The following TUSC3 variants were observed in gnomAD, a reference collection of about 807,000 sequenced individuals.
TUSC3 encodes dolichyl-diphosphooligosaccharide--protein glycosyltransferase subunit TUSC3.
TUSC3 carries 45 observed loss-of-function variants against 44.8 expected under a neutral mutation model. The ratio of observed to expected loss-of-function variants is 1.00; its 90% CI spans 0.79 to 1.29. The LOEUF (loss-of-function observed/expected upper bound fraction) is 1.29, where lower values mean the gene tolerates loss of function less well. TUSC3 is among the 50% of genes most tolerant of loss of function. The pLI is 0.00. For missense variants in TUSC3, 519 were observed against 437.9 expected, an observed-to-expected ratio of 1.19 and a Z score of -1.65; for synonymous variants, 212 against 152.9, an observed-to-expected ratio of 1.39 and a Z score of -2.85.
intron 1 of TUSC3, among the ~76,000 whole-genome samples, chr8:15,430,030 C>A (rs1055695279): frequency 1.3e-5 from 2 of 151,502 alleles, no homozygotes; most frequent in African/African-American, 2.4e-5. Flanking sequence ...GGATTCACAG[C>A]CGAATTCTAC....
chr8:15,501,440 A>T (rs1055956612), intron 2 of TUSC3, among the ~76,000 whole-genome samples: 1 of 152,240 alleles, frequency 6.6e-6, no homozygotes. Flanking sequence ...AGGAGGTCTT[A>T]AGTTACTGGA....
At chr8:15,643,530 GT>G (rs1433369390) in intron 2 of TUSC3, among the ~76,000 whole-genome samples, 1 of 151,742 alleles carries the variant, frequency 6.6e-6, no homozygotes, top group Non-Finnish European at 1.5e-5. Flanking sequence ...TTTAAAATAT[GT>G]ATTTGGATCA....
intron 6 of TUSC3, among the ~76,000 whole-genome samples, chr8:15,717,699 T>TTTCTAA (rs1563187908): frequency 6.6e-6 from 1 of 152,140 alleles, no homozygotes; most frequent in East Asian, 1.9e-4. Context: ...CATTTGGACA[T>TTTCTAA]ATAGCTAAAT....
chr8:15,607,374 A>C (rs976174405), intron 1 of TUSC3, among the ~76,000 whole-genome samples: 1 of 152,048 alleles, frequency 6.6e-6, no homozygotes, highest in Non-Finnish European at 1.5e-5. Flanking sequence ...AAAACAGTCA[A>C]CTCCTTTACA....
chr8:15,808,211 C>G, the TUSC3 span, among the ~76,000 whole-genome samples: 1 of 151,994 alleles, frequency 6.6e-6, no homozygotes, highest in African/African-American at 2.4e-5. Flanking sequence ...CTTCTTTCAC[C>G]TGGTATAATG....
At chr8:15,535,116 TATG>T (rs1460628946) in intron 2 of TUSC3, among the ~76,000 whole-genome samples, 2 of 152,192 alleles carry the variant, frequency 1.3e-5, no homozygotes, top group Non-Finnish European at 2.9e-5. Flanking sequence ...TCACTGTTTG[TATG>T]ATAACTTTTT....
chr8:15,664,437 T>TTTATTATTA (rs56049201), intron 5 of TUSC3, among the ~76,000 whole-genome samples: 179 of 143,880 alleles, frequency 1.2e-3, no homozygotes, highest in Middle Eastern at 3.6e-3. Flanking sequence ...GTTATACAGA[T>TTTATTATTA]TTATTATTAT....
At chr8:15,457,126 A>G (rs1395033869) in intron 1 of TUSC3, among the ~76,000 whole-genome samples, 2 of 137,428 alleles carry the variant, frequency 1.5e-5, no homozygotes, top group Non-Finnish European at 3.1e-5. Flanking sequence ...ATGAGAACAC[A>G]TGGACACAGG....
At chr8:15,599,639 A>T (rs1804200712) in intron 1 of TUSC3, among the ~76,000 whole-genome samples, 1 of 150,450 alleles carries the variant, frequency 6.6e-6, no homozygotes, top group African/African-American at 2.4e-5. Flanking sequence ...TTTTGCATGT[A>T]GATATCTAGC....
Position 15,458,047 on chromosome 8 carries a change from T to C in TUSC3, n.92-25339T>C, listed in dbSNP as rs149921403. 2.4e-3 allele frequency among the ~76,000 whole-genome samples: 371 copies of C among 152,076 alleles called. 3 individuals carry two copies. The East Asian group carries it at 0.047, about 19-fold the overall frequency. ...GCCAAATAATTCAAAACATACTCTT[T>C]AGGAACACATCTAGATGCGTTAACA... On this transcript the variant is annotated intron_variant and non_coding_transcript_variant, in intron 1 of 5. Transcript: ENST00000503191.
the TUSC3 span, among the ~76,000 whole-genome samples, chr8:15,809,256 C>G: frequency 6.6e-6 from 1 of 152,174 alleles, no homozygotes; most frequent in Non-Finnish European, 1.5e-5. Context: ...TTTCCCTGGT[C>G]AGGTCACAGT....
At chr8:15,473,103 T>G (rs967766760) in intron 1 of TUSC3, among the ~76,000 whole-genome samples, 2 of 152,176 alleles carry the variant, frequency 1.3e-5, no homozygotes, top group African/African-American at 4.8e-5. Flanking sequence ...TCATTCTTTT[T>G]AGTTTCCCCA....
intron 1 of TUSC3, among the ~76,000 whole-genome samples, chr8:15,565,629 CT>C (rs1209845597): frequency 9.9e-5 from 15 of 152,112 alleles, no homozygotes; most frequent in Admixed American, 9.8e-4. Context: ...AACTTTGTTT[CT>C]TTTGTCCTTC....
At chr8:15,820,193 T>C in the TUSC3 span, among the ~76,000 whole-genome samples, 1 of 152,200 alleles carries the variant, frequency 6.6e-6, no homozygotes, top group Non-Finnish European at 1.5e-5. Flanking sequence ...CCTTGCATTC[T>C]TTAAACACTA....
At chr8:15,576,000 C>T (rs936702382) in intron 1 of TUSC3, among the ~76,000 whole-genome samples, 5 of 151,910 alleles carry the variant, frequency 3.3e-5, no homozygotes, top group African/African-American at 1.2e-4. Context: ...AACTGTTTCA[C>T]ATTTTGAAAC....
upstream of TUSC3, among the ~76,000 whole-genome samples, chr8:15,539,847 G>A (rs1412221481): frequency 6.6e-6 from 1 of 152,056 alleles, no homozygotes; most frequent in African/African-American, 2.4e-5. Context: ...GTTGTGGGGC[G>A]GCTTCTGTGC....
chr8:15,623,264 T>C lies in TUSC3; in HGVS notation c.308+15T>C, dbSNP rs1474700171. On this transcript the variant is annotated intron_variant, in intron 2 of 10. Coordinates refer to ENST00000503731, the MANE Select transcript of TUSC3 (RefSeq NM_006765.4). ...TCTGTGTGCAGGTAATTTATGTAAT[T>C]AAAAAATATTAAAAACTATTATTCT... is the stretch of plus-strand genomic sequence containing the variant. The C allele has an allele frequency of 1.9e-6, 3 of 1,562,234 alleles. No individual in the cohort carries two copies. The highest frequency in any genetic ancestry group is 2.6e-6 in the Non-Finnish European group (3 of 1,157,388).
At chr8:15,719,700 C>T (rs1335945556) in intron 6 of TUSC3, among the ~76,000 whole-genome samples, 1 of 152,076 alleles carries the variant, frequency 6.6e-6, no homozygotes, top group Non-Finnish European at 1.5e-5. Context: ...GCTTATGTCA[C>T]ACTTTTCTAA....
At chr8:15,780,236 T>G in the TUSC3 span, among the ~76,000 whole-genome samples, 1 of 152,102 alleles carries the variant, frequency 6.6e-6, no homozygotes, top group African/African-American at 2.4e-5. Context: ...CTTAAATGGG[T>G]AGGCAAAGCT....
Sources: allele counts gnomAD v4.1 joint callset (sites outside exome capture counted in the v4.1 genomes callset), GRCh38; gene constraint gnomAD v4.1.1; transcripts MANE v1.5; gene names NCBI Gene and HGNC (gene_info 2026-07-23, HGNC 2026-07-21).